The following ANKRD55 variants were observed in gnomAD, a reference collection of about 807,000 sequenced individuals.
The protein encoded by ANKRD55 is ankyrin repeat domain 55.
ANKRD55 carries 41 observed loss-of-function variants against 60.6 expected under a neutral mutation model. The observed-to-expected ratio is 0.68, with a 90% CI of 0.53 to 0.88. ANKRD55 has a LOEUF of 0.88. ANKRD55 is among the 40% of genes least tolerant of loss of function. The pLI is 0.00. For synonymous variants in ANKRD55, 264 were observed against 290.3 expected, an observed-to-expected ratio of 0.91 and a Z score of 0.92; for missense variants, 732 against 767.6, an observed-to-expected ratio of 0.95 and a Z score of 0.55.
intron 3 of ANKRD55, among the ~76,000 whole-genome samples, chr5:56,182,914 TC>T (rs1758881310): frequency 6.6e-6 from 1 of 152,206 alleles, no homozygotes; most frequent in African/African-American, 2.4e-5. Context: ...TCTTTCCTGG[TC>T]CTTTTGCCAG....
chr5:56,112,510 A>AAAAAAAAAAAAAAAAAAAAAAAAAC (rs1554036580), intron 9 of ANKRD55, among the ~76,000 whole-genome samples: 1 of 138,004 alleles, frequency 7.2e-6, no homozygotes, highest in African/African-American at 2.6e-5. Flanking sequence ...CTAGCAAAAA[A>AAAAAAAAAAAAAAAAAAAAAAAAAC]AAAAAAAAAA....
intron 2 of ANKRD55, among the ~76,000 whole-genome samples, chr5:56,184,320 T>C (rs535441895): frequency 2.0e-5 from 3 of 152,328 alleles, no homozygotes; most frequent in Non-Finnish European, 4.4e-5. Flanking sequence ...TCAGTCTCTC[T>C]GGGTTCCCTG....
chr5:56,208,910 G>C (rs1448910330), intron 2 of ANKRD55, among the ~76,000 whole-genome samples: 1 of 151,740 alleles, frequency 6.6e-6, no homozygotes, highest in Non-Finnish European at 1.5e-5. Context: ...ATTGTTGACC[G>C]AAATGTCACT....
chr5:56,125,099 AAAGCTGGTTC>A (rs1757202971), intron 8 of ANKRD55, among the ~76,000 whole-genome samples: 1 of 152,140 alleles, frequency 6.6e-6, no homozygotes, highest in African/African-American at 2.4e-5. Context: ...TATTCTGTTC[AAAGCTGGTTC>A]TAGGAGTGTT....
chr5:56,122,686 T>C (rs1432675418), intron 8 of ANKRD55, among the ~76,000 whole-genome samples: 1 of 151,348 alleles, frequency 6.6e-6, no homozygotes, highest in Non-Finnish European at 1.5e-5. Flanking sequence ...ATAACTATAT[T>C]TTGGATTAAG....
intron 2 of ANKRD55, among the ~76,000 whole-genome samples, chr5:56,208,332 G>A (rs1286666616): frequency 6.6e-6 from 1 of 151,538 alleles, no homozygotes; most frequent in East Asian, 1.9e-4. Context: ...TAAAACTATA[G>A]TACAGTAAAT....
Position 56,115,214 on chromosome 5 carries a change from T to TAAAA in ANKRD55, c.965+1400_965+1401insTTTT, listed in dbSNP as rs147508174. 1.9e-3 allele frequency among the ~76,000 whole-genome samples: 274 copies of TAAAA among 144,676 alleles called. 2 individuals carry two copies. The highest frequency in any genetic ancestry group is 6.6e-3 in the African/African-American group (258 of 39,118). 94.9% of individuals were successfully genotyped at this position (144,676 alleles called of 152,430 possible). A position where few individuals can be genotyped will look rare whatever the true frequency, so the allele number is the denominator to read the frequency against. On this transcript the variant is annotated intron_variant, in intron 9 of 11. Transcript: ENST00000341048. ...ACTCTGGTTCTAAAAATAATAATAA[T>TAAAA]AATAAATAAATAAATAAATAAATAA...
At chr5:56,137,398 G>A in intron 7 of ANKRD55, 5 of 947,216 alleles carry the variant, frequency 5.3e-6, no homozygotes, top group Non-Finnish European at 6.8e-6. Context: ...CCATACATGA[G>A]CTCTCCCTGC....
intron 4 of ANKRD55, among the ~76,000 whole-genome samples, chr5:56,171,505 A>G (rs920231689): frequency 6.6e-6 from 1 of 152,172 alleles, no homozygotes; most frequent in Non-Finnish European, 1.5e-5. Flanking sequence ...CCCATTTCAA[A>G]GGGCAGGTAT....
At chr5:56,221,629 A>G (rs1229235967) in intron 2 of ANKRD55, among the ~76,000 whole-genome samples, 2 of 152,334 alleles carry the variant, frequency 1.3e-5, no homozygotes, top group East Asian at 3.9e-4. Context: ...CACCTGGAAA[A>G]TTGGGTTACT....
rs78473556 is a variant in ANKRD55, at chr5:56,219,732, C to T, written c.58+13124G>A. Among the ~76,000 whole-genome samples the T allele has an allele frequency of 2.1e-3, 322 of 152,316 alleles. 3 individuals are homozygous for T. Among genetic ancestry groups the T allele is most frequent in the African/African-American group, 7.3e-3 (304 of 41,560 alleles). ...CCCCACCCATATGCCACCTTTTGCACGAACCTTTGACCTCAGTGCATCCAT... is the reference window on the plus strand; with the variant it reads ...CCCCACCCATATGCCACCTTTTGCATGAACCTTTGACCTCAGTGCATCCAT... On this transcript the variant is annotated intron_variant, in intron 2 of 11. Coordinates refer to ENST00000341048, the MANE Select transcript of ANKRD55 (RefSeq NM_024669.3).
chr5:56,213,138 A>T (rs1393780413), intron 2 of ANKRD55, among the ~76,000 whole-genome samples: 1 of 152,232 alleles, frequency 6.6e-6, no homozygotes, highest in Non-Finnish European at 1.5e-5. Flanking sequence ...AAGAGTATAT[A>T]CAATTTTAAT....
At chr5:56,160,755 A>G (rs1244821173) in intron 5 of ANKRD55, 1 of 152,244 alleles carries the variant, frequency 6.6e-6, no homozygotes, top group African/African-American at 2.4e-5. Context: ...AGTGTAAAAC[A>G]GCTATCAATG....
intron 2 of ANKRD55, among the ~76,000 whole-genome samples, chr5:56,185,476 A>C (rs1291470109): frequency 1.3e-5 from 2 of 151,986 alleles, no homozygotes; most frequent in Non-Finnish European, 2.9e-5. Context: ...AGACCAGCCT[A>C]ACCAACATGG....
At chr5:56,206,647 TCCCACAACCC>T (rs1279387261) in intron 2 of ANKRD55, among the ~76,000 whole-genome samples, 1 of 152,022 alleles carries the variant, frequency 6.6e-6, no homozygotes, top group Non-Finnish European at 1.5e-5. Context: ...TTTCCATCCC[TCCCACAACCC>T]CCACCAGCAG....
chr5:56,201,363 G>A (rs981497796), intron 2 of ANKRD55, among the ~76,000 whole-genome samples: 1 of 152,186 alleles, frequency 6.6e-6, no homozygotes, highest in Non-Finnish European at 1.5e-5. Context: ...AGTCAATCTG[G>A]AACTCTTTGG....
chr5:56,160,482 G>A (rs1758300640), intron 5 of ANKRD55, among the ~76,000 whole-genome samples: 2 of 152,200 alleles, frequency 1.3e-5, no homozygotes, highest in South Asian at 4.1e-4. Context: ...CTCGTGGTCC[G>A]CCCGCCTAAG....
At chr5:56,138,127 C>CT (rs70995774) in intron 7 of ANKRD55, among the ~76,000 whole-genome samples, 61,738 of 129,824 alleles carry the variant, frequency 0.48, 15,083 homozygotes, top group Middle Eastern at 0.68. Context: ...GTTTCTTTTT[C>CT]TTTTTTTTTT....
chr5:56,175,045 G>A (rs1561281432), intron 4 of ANKRD55, among the ~76,000 whole-genome samples: 1 of 151,984 alleles, frequency 6.6e-6, no homozygotes, highest in Non-Finnish European at 1.5e-5. Flanking sequence ...GCACCCCAAG[G>A]GATATTGACA....
Sources: allele counts gnomAD v4.1 joint callset (sites outside exome capture counted in the v4.1 genomes callset), GRCh38; gene constraint gnomAD v4.1.1; transcripts MANE v1.5; gene names NCBI Gene and HGNC (gene_info 2026-07-23, HGNC 2026-07-21).